The following MEGF6 variants were observed in gnomAD, a reference collection of about 807,000 sequenced individuals.
MEGF6 encodes multiple EGF like domains 6.
A neutral mutation model predicts 207.1 loss-of-function variants in MEGF6; 184 were observed. That is an observed-to-expected ratio of 0.89 (90% CI 0.79 to 1.00). MEGF6 has a LOEUF of 1.00. MEGF6 is among the 50% of genes least tolerant of loss of function. The probability of loss-of-function intolerance (pLI) is 0.00; values close to 1 mark genes in which losing one functional copy is unlikely to be tolerated. For missense variants in MEGF6, 2,282 were observed against 2,202.9 expected (o/e 1.04, Z -0.72); for synonymous variants, 1,038 against 910.0 (o/e 1.14, Z -2.53).
At chr1:3,495,752 C>A in intron 30 of MEGF6, 138 bp downstream of exon 30, 4 of 1,120,646 alleles carry the variant, frequency 3.6e-6, no homozygotes, top group Non-Finnish European at 5.0e-6. Context: ...ATCTCAGCCC[C>A]AGGGTCAAGT....
At chr1:3,577,083 C>A (rs1445506323) in intron 4 of MEGF6, among the ~76,000 whole-genome samples, 3 of 152,298 alleles carry the variant, frequency 2.0e-5, no homozygotes, top group East Asian at 3.9e-4. Context: ...TCCTGAATGT[C>A]CAGCCCTGCA....
chr1:3,501,733 G>A, intron 18 of MEGF6, 63 bp downstream of exon 18: 1 of 1,572,142 alleles, frequency 6.4e-7, no homozygotes, highest in Non-Finnish European at 8.6e-7. Context: ...ACAGTTCAGG[G>A]CCCCACCAGC....
At chr1:3,589,949 G>A (rs1207266559) in intron 3 of MEGF6, among the ~76,000 whole-genome samples, 1 of 152,246 alleles carries the variant, frequency 6.6e-6, no homozygotes, top group Non-Finnish European at 1.5e-5. Flanking sequence ...GAAATCTGCT[G>A]AACTCTGGTT....
At position 3,498,771 on chromosome 1, in the gene MEGF6, G is replaced by T. The variant is rs369211580; in HGVS notation, c.3150C>A (p.Asn1050Lys). The T allele has an allele frequency of 1.3e-6, 2 of 1,558,044 alleles. No homozygotes were observed. The highest frequency in any genetic ancestry group is 1.2e-5 in the South Asian group (1 of 84,758). The change falls in exon 25 of 37, where the codon AAC (asparagine) becomes AAA (lysine). Residue 1050 changes from asparagine to lysine, a missense_variant. Coordinates refer to ENST00000356575, the MANE Select transcript of MEGF6 (RefSeq NM_001409.4). ...DNCRHSCLCQNGGTCDPVSGH... is the reference protein window; with the variant it reads ...DNCRHSCLCQKGGTCDPVSGH... Reference sequence around the variant, plus strand: ...CTGAGACAGGGTCACAGGTCCCTCCGTTCTGGCAGAGGCAGGAATGCCGAC... The same window carrying T: ...CTGAGACAGGGTCACAGGTCCCTCCTTTCTGGCAGAGGCAGGAATGCCGAC...
At position 3,602,546 on chromosome 1, in the gene MEGF6, G is replaced by A. The variant is rs377495291; in HGVS notation, c.186C>T (p.Cys62=). The A allele has an allele frequency of 7.3e-4, 1,173 of 1,612,614 alleles. 6 individuals are homozygous for A. The highest frequency in any genetic ancestry group is 5.3e-3 in the South Asian group (482 of 91,002). Residue 62 remains cysteine, a synonymous_variant, in exon 2 of 37, where the codon TGC becomes TGT. Coordinates refer to ENST00000356575, the MANE Select transcript of MEGF6 (RefSeq NM_001409.4). ...ELTLVGRRQP[C]VQALSHTVPV... is the part of the protein sequence containing the mutation. ...GCACCGTGTGGCTTAAGGCCTGCACGCACGGCTGGCGGCGGCCCACCAGGG... is the reference window on the plus strand; with the variant it reads ...GCACCGTGTGGCTTAAGGCCTGCACACACGGCTGGCGGCGGCCCACCAGGG...
chr1:3,494,160 C>T (rs781254925), intron 32 of MEGF6, 36 bp from the exon 33 acceptor site: 31 of 1,527,386 alleles, frequency 2.0e-5, no homozygotes, highest in South Asian at 5.2e-5. Flanking sequence ...CAAGGGCACA[C>T]GGTGGCAGAA....
intron 2 of MEGF6, among the ~76,000 whole-genome samples, chr1:3,599,941 T>C (rs775759166): frequency 6.6e-6 from 1 of 152,110 alleles, no homozygotes; most frequent in Non-Finnish European, 1.5e-5. Flanking sequence ...TCAGCTCAGT[T>C]CACGGGTGAG....
Position 3,489,676 on chromosome 1 carries a change from C to T in MEGF6, c.*852G>A, listed in dbSNP as rs1471567614. Among the ~76,000 whole-genome samples, 1 of 152,198 alleles carries T rather than the reference C, an allele frequency of 6.6e-6. No individual in the cohort carries two copies. The highest frequency in any genetic ancestry group is 1.5e-5 in the Non-Finnish European group (1 of 68,022). On this transcript the variant is annotated 3_prime_UTR_variant, in exon 37 of 37. Coordinates refer to ENST00000356575, the MANE Select transcript of MEGF6 (RefSeq NM_001409.4). ...CCCCTCCACACCAGCCCTCCTCCCC[C>T]TGGGCCATTCTCTGGGAACAGCCAG...
intron 1 of MEGF6, among the ~76,000 whole-genome samples, chr1:3,605,522 TCACACTCACA>T (rs1260209999): frequency 2.1e-5 from 3 of 145,528 alleles, no homozygotes; most frequent in Non-Finnish European, 4.5e-5. Flanking sequence ...ACATACACAT[TCACACTCACA>T]CACAATCACA....
chr1:3,580,598 G>A (rs1293765017), intron 3 of MEGF6, among the ~76,000 whole-genome samples: 1 of 152,106 alleles, frequency 6.6e-6, no homozygotes, highest in Non-Finnish European at 1.5e-5. Context: ...AGGCAGCCCC[G>A]TTACTGACAG....
chr1:3,605,452 A>T (rs1644231578), intron 1 of MEGF6, among the ~76,000 whole-genome samples: 1 of 151,968 alleles, frequency 6.6e-6, no homozygotes, highest in African/African-American at 2.4e-5. Flanking sequence ...ACCCTCATAC[A>T]CACATATGCT....
chr1:3,498,979 T>C (rs1640734099), intron 24 of MEGF6, among the ~76,000 whole-genome samples, 153 bp from the exon 25 acceptor site: 1 of 152,112 alleles, frequency 6.6e-6, no homozygotes, highest in African/African-American at 2.4e-5. Flanking sequence ...TCACTCCCCA[T>C]CCCTGCCTGG....
rs115354190 is a variant in MEGF6 at position 3,566,289 on chromosome 1, G to A, written c.481+13536C>T. ...TCCAGAAGCACGCAGCCCCTCGCTT[G>A]CAGAGCCTCATTCATTACTCCATGG... On this transcript the variant is annotated intron_variant, in intron 4 of 36. Coordinates refer to ENST00000356575, the MANE Select transcript of MEGF6 (RefSeq NM_001409.4). Among the ~76,000 whole-genome samples, 391 of 152,360 alleles carry A rather than the reference G, an allele frequency of 2.6e-3. 3 individuals are homozygous for A. The highest frequency in any genetic ancestry group is 8.9e-3 in the African/African-American group (369 of 41,590).
chr1:3,616,804 C>T, the MEGF6 span, among the ~76,000 whole-genome samples: 8 of 152,186 alleles, frequency 5.3e-5, no homozygotes, highest in Non-Finnish European at 1.0e-4. Context: ...CGGGGGAGAA[C>T]GGGAATCCCG....
Position 3,496,744 on chromosome 1 carries a change from A to G in MEGF6, c.3653T>C (p.Leu1218Pro), listed in dbSNP as rs201404203. Residue 1218 changes from leucine to proline, a missense_variant, in exon 29 of 37, where the codon CTG becomes CCG. Leu to Pro is a moderately conservative substitution (Grantham distance 98, BLOSUM62 -3). Coordinates refer to ENST00000356575, the MANE Select transcript of MEGF6 (RefSeq NM_001409.4). ...PGRYGPGCEQ[L>P]CGCLNGGSCD... is the part of the protein sequence containing the mutation. Reference sequence around the variant, plus strand: ...GGAGCCCCCGTTGAGACACCCACACAGCTGTTCACAGCCTGGCCCATACCG... The same window carrying G: ...GGAGCCCCCGTTGAGACACCCACACGGCTGTTCACAGCCTGGCCCATACCG... The G allele has an allele frequency of 6.1e-4, 949 of 1,558,962 alleles. 1 individual carries two copies. Among genetic ancestry groups the G allele is most frequent in the Non-Finnish European group, 7.8e-4 (898 of 1,152,106 alleles).
intron 4 of MEGF6, chr1:3,531,036 C>T (rs1190187432): frequency 6.9e-7 from 1 of 1,440,596 alleles, no homozygotes. Flanking sequence ...CGCCGGGGAG[C>T]GCCCTGGCCC....
Position 3,496,776 on chromosome 1 carries a change from C to A in MEGF6, c.3621G>T (p.Pro1207=), listed in dbSNP as rs766209057. The A allele has an allele frequency of 1.3e-6, 2 of 1,556,792 alleles. No homozygotes were observed. Among genetic ancestry groups the A allele is most frequent in the African/African-American group, 1.4e-5 (1 of 73,424 alleles). ...YHGPSCQQRC[P]PGRYGPGCEQ... ...CACAGCCTGGCCCATACCGCCCGGG[C>A]GGACATCCTGCAGGGAGAGGGGCTA... is the stretch of plus-strand genomic sequence containing the variant. The change falls in exon 29 of 37, where the codon CCG becomes CCT. Residue 1207 remains proline, a synonymous_variant. Transcript: ENST00000356575.
Position 3,570,151 on chromosome 1 carries a change from G to A in MEGF6, c.481+9674C>T, listed in dbSNP as rs78872209. Among the ~76,000 whole-genome samples the A allele has an allele frequency of 1.5e-3, 231 of 152,314 alleles. 2 individuals carry two copies. In the East Asian group the frequency reaches 0.021, roughly 14 times the overall value. ...CCAGCCTGAGCATAGCAAGATGGTCGTGGAGGGGCCACACCTGTCCCAGCC... is the reference window on the plus strand; with the variant it reads ...CCAGCCTGAGCATAGCAAGATGGTCATGGAGGGGCCACACCTGTCCCAGCC... On this transcript the variant is annotated intron_variant, in intron 4 of 36. Transcript: ENST00000356575.
the MEGF6 span, among the ~76,000 whole-genome samples, chr1:3,620,216 T>C: frequency 6.6e-6 from 1 of 152,210 alleles, no homozygotes; most frequent in Non-Finnish European, 1.5e-5. Context: ...TGATCTGAAA[T>C]TGGAACTTAT....
Sources: gnomAD v4.1 joint callset for allele counts (sites outside exome capture counted in the v4.1 genomes callset) on GRCh38, gnomAD v4.1.1 for gene constraint, MANE v1.5 for transcripts, NCBI Gene and HGNC (gene_info 2026-07-23, HGNC 2026-07-21) for gene names.